Variants in MAF observed in about 807,000 individuals in gnomAD.
MAF encodes the protein transcription factor Maf.
Under a neutral mutation model 22.0 loss-of-function variants are expected in MAF, and 10 were observed. That is an observed-to-expected ratio of 0.45 (90% confidence interval 0.28 to 0.77). The LOEUF is 0.77. Among genes scored for constraint, MAF ranks in the 30% least tolerant of loss-of-function variants. The probability of loss-of-function intolerance (pLI) is 0.12; values close to 1 mark genes in which losing one functional copy is unlikely to be tolerated. For missense variants in MAF, 544 were observed against 548.4 expected, an observed-to-expected ratio of 0.99 and a Z score of 0.08; for synonymous variants, 337 against 255.8, an observed-to-expected ratio of 1.32 and a Z score of -3.03.
chr16:79,593,160 G>T (rs529188995), downstream of MAF, among the ~76,000 whole-genome samples: 143 of 152,290 alleles, frequency 9.4e-4, no homozygotes, highest in Middle Eastern at 0.014. Flanking sequence ...ATATTGATTG[G>T]CCTAGTAGAC....
chr16:79,260,500 T>TATCTA, the MAF span, among the ~76,000 whole-genome samples: 4,099 of 149,616 alleles, frequency 0.027, 205 homozygotes, highest in African/African-American at 0.099. Context: ...TCTATATCTA[T>TATCTA]ATCTATATAT....
chr16:79,382,768 A>G, the MAF span, among the ~76,000 whole-genome samples: 1 of 152,214 alleles, frequency 6.6e-6, no homozygotes, highest in Admixed American at 6.5e-5. Flanking sequence ...AAAAATGTGC[A>G]TTTATTCATA....
At chr16:79,587,253 C>T (rs1912903260) in intron 1 of MAF, among the ~76,000 whole-genome samples, 1 of 151,990 alleles carries the variant, frequency 6.6e-6, no homozygotes, top group Non-Finnish European at 1.5e-5. Flanking sequence ...CTCGCCTTTA[C>T]GTATTAGTAT....
rs1036093542 is a variant in MAF, at chr16:79,596,549, A to G, written c.1119-1996T>C. The G allele has an allele frequency of 2.9e-6, 3 of 1,049,604 alleles. No individual in the cohort carries two copies. In the Admixed American group the frequency reaches 1.6e-4, roughly 58 times the overall value. 65.0% of individuals were successfully genotyped at this position (1,049,604 alleles called of 1,614,324 possible). A position where few individuals can be genotyped will look rare whatever the true frequency, so the allele number is the denominator to read the frequency against. On this transcript the variant is annotated intron_variant, in intron 1 of 1. Transcript: ENST00000326043. ...TATAACCAGAATTGAAAATGAAAGA[A>G]AAGCACATAGGAACAACACGCGTGG... is the stretch of plus-strand genomic sequence containing the variant.
At chr16:79,346,674 C>G in the MAF span, among the ~76,000 whole-genome samples, 1 of 152,146 alleles carries the variant, frequency 6.6e-6, no homozygotes, top group Non-Finnish European at 1.5e-5. Context: ...ACCAGGGAAT[C>G]CATATGTCTT....
chr16:79,525,553 G>T, the MAF span, among the ~76,000 whole-genome samples: 1 of 152,140 alleles, frequency 6.6e-6, no homozygotes, highest in Non-Finnish European at 1.5e-5. Context: ...AAAAGAGTAA[G>T]CCATGTTAAA....
At chr16:79,448,734 T>C in the MAF span, among the ~76,000 whole-genome samples, 1 of 151,218 alleles carries the variant, frequency 6.6e-6, no homozygotes, top group Admixed American at 6.6e-5. Context: ...CTGAAGCATT[T>C]TAAATTAAGT....
chr16:79,517,179 T>A, the MAF span, among the ~76,000 whole-genome samples: 1 of 152,164 alleles, frequency 6.6e-6, no homozygotes, highest in East Asian at 1.9e-4. Flanking sequence ...TAATCTTCAT[T>A]CCTTGGCTCT....
chr16:79,583,209 C>A (rs1912632332), downstream of MAF, among the ~76,000 whole-genome samples: 1 of 152,168 alleles, frequency 6.6e-6, no homozygotes, highest in South Asian at 2.1e-4. Flanking sequence ...AACAAGATTT[C>A]TGAGTACTTT....
the MAF span, among the ~76,000 whole-genome samples, chr16:79,332,803 G>A: frequency 6.6e-6 from 1 of 152,134 alleles, no homozygotes; most frequent in Non-Finnish European, 1.5e-5. Flanking sequence ...AGGCTTTGAG[G>A]GTGACTAAGC....
At chr16:79,562,296 G>A in the MAF span, among the ~76,000 whole-genome samples, 1 of 152,180 alleles carries the variant, frequency 6.6e-6, no homozygotes. Flanking sequence ...ACAAAGACAT[G>A]GACAAGGTTT....
chr16:79,244,052 G>A, the MAF span, among the ~76,000 whole-genome samples: 1 of 152,002 alleles, frequency 6.6e-6, no homozygotes. Context: ...ACTAGGTATT[G>A]ATGGAACGTA....
chr16:79,486,030 C>G, the MAF span, among the ~76,000 whole-genome samples: 2 of 152,182 alleles, frequency 1.3e-5, no homozygotes, highest in Non-Finnish European at 2.9e-5. Context: ...TTGATTGCTT[C>G]AACACACATC....
the MAF span, among the ~76,000 whole-genome samples, chr16:79,247,238 G>C: frequency 1.3e-5 from 2 of 152,230 alleles, no homozygotes; most frequent in African/African-American, 2.4e-5. Context: ...CCTGGTTCAA[G>C]ATTCAGCAAG....
chr16:79,376,076 G>C, the MAF span, among the ~76,000 whole-genome samples: 4 of 151,054 alleles, frequency 2.6e-5, no homozygotes, highest in African/African-American at 9.8e-5. Context: ...TGGGAGAACA[G>C]TGAAGCAACA....
the MAF span, among the ~76,000 whole-genome samples, chr16:79,266,550 T>C: frequency 6.6e-6 from 1 of 152,120 alleles, no homozygotes; most frequent in African/African-American, 2.4e-5. Context: ...TTGGACTGGG[T>C]TGTCTTTCTG....
At chr16:79,548,384 A>G in the MAF span, among the ~76,000 whole-genome samples, 1 of 152,192 alleles carries the variant, frequency 6.6e-6, no homozygotes, top group Non-Finnish European at 1.5e-5. Context: ...CCAATTGTGT[A>G]ATGAATTACT....
At chr16:79,566,221 T>C in the MAF span, among the ~76,000 whole-genome samples, 1 of 152,172 alleles carries the variant, frequency 6.6e-6, no homozygotes, top group Non-Finnish European at 1.5e-5. Context: ...CACTCTGCCA[T>C]TAGAGATACA....
At chr16:79,512,021 T>G in the MAF span, among the ~76,000 whole-genome samples, 1 of 152,232 alleles carries the variant, frequency 6.6e-6, no homozygotes. Context: ...TGACACCCAG[T>G]GCACGAACTT....
Sources: gnomAD v4.1 joint callset for allele counts (sites outside exome capture counted in the v4.1 genomes callset) on GRCh38, gnomAD v4.1.1 for gene constraint, MANE v1.5 for transcripts, NCBI Gene and HGNC (gene_info 2026-07-23, HGNC 2026-07-21) for gene names.